The following SEMA6D variants were observed in gnomAD, a reference collection of about 807,000 sequenced individuals.
SEMA6D encodes the protein semaphorin 6D.
In SEMA6D, 35 loss-of-function variants were observed where a neutral mutation model predicts 106.6. The observed-to-expected ratio is 0.33, with a 90% CI of 0.25 to 0.44. SEMA6D has a LOEUF of 0.44. Ranked by LOEUF, SEMA6D falls within the 20% of genes least tolerant of loss-of-function variation. SEMA6D has a pLI of 1.00. For synonymous variants in SEMA6D, 499 were observed against 487.7 expected, an observed-to-expected ratio of 1.02 and a Z score of -0.31; for missense variants, 1,185 against 1,345.9, an observed-to-expected ratio of 0.88 and a Z score of 1.87.
intron 1 of SEMA6D, chr15:47,730,040 G>T: frequency 1.6e-6 from 1 of 619,168 alleles, no homozygotes; most frequent in Non-Finnish European, 2.8e-6. Flanking sequence ...TTAATGCTAT[G>T]TTTATCTTCC....
intron 2 of SEMA6D, among the ~76,000 whole-genome samples, chr15:47,468,843 C>T (rs189886282): frequency 1.3e-5 from 2 of 152,094 alleles, no homozygotes; most frequent in Non-Finnish European, 2.9e-5. Context: ...GGGCTGCATT[C>T]GCTTACCCTC....
intron 1 of SEMA6D, among the ~76,000 whole-genome samples, chr15:47,318,216 G>A (rs1055729325): frequency 2.7e-5 from 4 of 150,864 alleles, no homozygotes; most frequent in Non-Finnish European, 5.9e-5. Flanking sequence ...TATAGAAGTT[G>A]CGAATATTTT....
At chr15:47,595,099 T>C (rs1204657742) in intron 3 of SEMA6D, among the ~76,000 whole-genome samples, 1 of 152,154 alleles carries the variant, frequency 6.6e-6, no homozygotes. Flanking sequence ...TTGCAGAGTT[T>C]TGGGGTTTGC....
upstream of SEMA6D, among the ~76,000 whole-genome samples, chr15:47,713,550 C>T (rs1376215612): frequency 6.6e-6 from 1 of 152,136 alleles, no homozygotes; most frequent in African/African-American, 2.4e-5. Context: ...AAAGCAATCC[C>T]TTGCCACAAA....
intron 1 of SEMA6D, among the ~76,000 whole-genome samples, chr15:47,187,917 A>G (rs1460243125): frequency 6.6e-6 from 1 of 152,106 alleles, no homozygotes; most frequent in Non-Finnish European, 1.5e-5. Context: ...TCACTGAGGA[A>G]TTTGTCTTTG....
rs774010869 is a variant in SEMA6D at position 47,770,775 on chromosome 15, T to C, written c.2212T>C (p.Tyr738His). The C allele has an allele frequency of 2.7e-5, 44 of 1,613,962 alleles. No individual in the cohort carries two copies. Among genetic ancestry groups the C allele is most frequent in the Non-Finnish European group, 3.4e-5 (40 of 1,180,014 alleles). The change falls in exon 19 of 19, where the codon TAT (tyrosine) becomes CAT (histidine). Residue 738 changes from tyrosine (Y) to histidine (H), a missense_variant. Around this residue, in one of 3 missense-constraint regions of SEMA6D, gnomAD observed 750 missense variants for 783.5 expected, o/e 0.96. Coordinates refer to ENST00000536845, the MANE Select transcript of SEMA6D (RefSeq NM_001358351.3). ...YQQNIDSPKL[Y>H]SNLLTSRKEL... The stretch of plus-strand genomic sequence containing the variant: ...ACAGAATATTGATTCTCCTAAACTG[T>C]ATAGTAACCTGCTAACCAGTCGGAA...
chr15:47,244,722 G>A (rs938007467), intron 1 of SEMA6D, among the ~76,000 whole-genome samples: 2 of 152,090 alleles, frequency 1.3e-5, no homozygotes, highest in African/African-American at 2.4e-5. Context: ...TTAGATTCAG[G>A]GGGTATATGT....
At chr15:47,761,877 A>C (rs2147730772) in intron 7 of SEMA6D, 126 bp downstream of exon 7, 1 of 811,896 alleles carries the variant, frequency 1.2e-6, no homozygotes, top group Non-Finnish European at 1.9e-6. Context: ...AAAGGCTAGA[A>C]TCTATGCACA....
chr15:47,251,065 G>C (rs1343354644), intron 1 of SEMA6D, among the ~76,000 whole-genome samples: 2 of 152,206 alleles, frequency 1.3e-5, no homozygotes, highest in Non-Finnish European at 1.5e-5. Flanking sequence ...GCAGCTCCCA[G>C]AGGTAGCAGA....
At chr15:47,468,634 A>G (rs185306816) in intron 2 of SEMA6D, among the ~76,000 whole-genome samples, 67 of 152,344 alleles carry the variant, frequency 4.4e-4, no homozygotes, top group Admixed American at 3.2e-3. Flanking sequence ...CCTGCTTATC[A>G]AAACCCTTTA....
intron 1 of SEMA6D, among the ~76,000 whole-genome samples, chr15:47,719,474 G>T (rs1334329451): frequency 2.0e-5 from 3 of 152,176 alleles, no homozygotes; most frequent in Non-Finnish European, 2.9e-5. Context: ...ACTTCTGGCG[G>T]TAAGAATTTT....
intron 2 of SEMA6D, among the ~76,000 whole-genome samples, chr15:47,446,864 C>T (rs923845344): frequency 1.3e-5 from 2 of 152,030 alleles, no homozygotes; most frequent in African/African-American, 4.8e-5. Flanking sequence ...TTAAAATGGC[C>T]AGCAAAGAGA....
chr15:47,552,270 A>G (rs1195082605), intron 3 of SEMA6D, among the ~76,000 whole-genome samples: 1 of 152,098 alleles, frequency 6.6e-6, no homozygotes, highest in Non-Finnish European at 1.5e-5. Flanking sequence ...TATATGCACC[A>G]TGGTTGCAAT....
chr15:47,685,698 C>G (rs890622895), intron 4 of SEMA6D, among the ~76,000 whole-genome samples: 14 of 152,072 alleles, frequency 9.2e-5, no homozygotes, highest in African/African-American at 3.4e-4. Flanking sequence ...GTGGGAGTCT[C>G]AAACCAACAC....
At chr15:47,697,604 A>C (rs1433953687) in intron 4 of SEMA6D, among the ~76,000 whole-genome samples, 2 of 152,210 alleles carry the variant, frequency 1.3e-5, no homozygotes, top group Non-Finnish European at 2.9e-5. Flanking sequence ...TTTGTTAGAA[A>C]TCAAACTCCA....
chr15:47,497,758 A>C (rs551841987), intron 3 of SEMA6D, among the ~76,000 whole-genome samples: 1 of 152,174 alleles, frequency 6.6e-6, no homozygotes, highest in East Asian at 1.9e-4. Flanking sequence ...AGTATCTTCT[A>C]ATTCTGTAAA....
chr15:47,310,036 A>G (rs2036385417), intron 1 of SEMA6D, among the ~76,000 whole-genome samples: 1 of 152,248 alleles, frequency 6.6e-6, no homozygotes, highest in South Asian at 2.1e-4. Flanking sequence ...AACATGGTTC[A>G]TCTTCTCACT....
At chr15:47,346,919 C>CT (rs1002212390) in intron 1 of SEMA6D, among the ~76,000 whole-genome samples, 12 of 150,790 alleles carry the variant, frequency 8.0e-5, no homozygotes, top group South Asian at 2.1e-4. Flanking sequence ...TCTTTTTCTT[C>CT]TTTTTTTTTG....
intron 1 of SEMA6D, among the ~76,000 whole-genome samples, chr15:47,185,100 T>G (rs1595709403): frequency 6.6e-6 from 1 of 152,142 alleles, no homozygotes; most frequent in East Asian, 1.9e-4. Flanking sequence ...GTGGGTCCCT[T>G]GTCTGGCTCA....
Sources: allele counts gnomAD v4.1 joint callset (sites outside exome capture counted in the v4.1 genomes callset), GRCh38; gene constraint gnomAD v4.1.1; regional missense constraint gnomAD v4.1.1; transcripts MANE v1.5; gene names NCBI Gene and HGNC (gene_info 2026-07-23, HGNC 2026-07-21).